The following MEGF11 variants were observed in gnomAD, a reference collection of about 807,000 sequenced individuals.
The protein encoded by MEGF11 is multiple epidermal growth factor-like domains protein 11.
MEGF11 carries 126 observed loss-of-function variants against 146.6 expected under a neutral mutation model. The ratio of observed to expected loss-of-function variants is 0.86; its 90% CI spans 0.74 to 1.00. The LOEUF is 1.00. Among genes scored for constraint, MEGF11 ranks in the 50% least tolerant of loss-of-function variants. The pLI is 0.00. For missense variants in MEGF11, 1,509 were observed against 1,521.2 expected (o/e 0.99, Z 0.13); for synonymous variants, 532 against 583.4 (o/e 0.91, Z 1.27).
At chr15:66,216,552 A>AC (rs1432005618) in intron 1 of MEGF11, among the ~76,000 whole-genome samples, 3 of 152,124 alleles carry the variant, frequency 2.0e-5, no homozygotes, top group Non-Finnish European at 2.9e-5. Context: ...CTGCTGAGCA[A>AC]CCCACCCCAA....
chr15:65,922,091 T>C (rs2079188794), intron 15 of MEGF11: 2 of 549,830 alleles, frequency 3.6e-6, no homozygotes, highest in Non-Finnish European at 6.5e-6. Context: ...TCAGAATTTG[T>C]TTCTGCCACT....
intron 7 of MEGF11, among the ~76,000 whole-genome samples, chr15:65,973,770 C>G (rs1392794550): frequency 6.6e-6 from 1 of 152,118 alleles, no homozygotes. Context: ...GATTCAATGA[C>G]TGTCTAAGAT....
rs771790172 is a variant in MEGF11, at chr15:65,929,729, C to T, written c.1563G>A (p.Leu521=). 1.9e-6 allele frequency: 3 copies of T among 1,551,296 alleles called. No individual in the cohort carries two copies. The highest frequency in any genetic ancestry group is 2.4e-5 in the South Asian group (2 of 84,036). The change falls in exon 12 of 26, where the codon CTG becomes CTA. Residue 521 remains leucine, a synonymous_variant. Transcript: ENST00000395614. ...TPGWLGDTCE[L]PCPDGTFGLN... ...CCACCCTGGCACTCACCGGGCAAGG[C>T]AGCTCACAGGTGTCTCCCAGCCAGC...
chr15:65,928,435 G>C lies in MEGF11; in HGVS notation c.1665C>G (p.Ala555=). ...GCAAGGGAAGGTTACCTGTCCATCC[G>C]GCCAGGCAGCAGCAGTGGCCTGTGA... The part of the protein sequence containing the change: ...DPVTGHCCCL[A]GWTGIRCDST... The change falls in exon 13 of 26, where the codon GCC becomes GCG. Residue 555 remains alanine (A), a synonymous_variant. Transcript: ENST00000395614. The C allele has an allele frequency of 6.3e-7, 1 of 1,593,890 alleles. No individual in the cohort carries two copies.
At chr15:65,936,090 G>A (rs1020993451) in intron 10 of MEGF11, among the ~76,000 whole-genome samples, 1 of 152,144 alleles carries the variant, frequency 6.6e-6, no homozygotes, top group African/African-American at 2.4e-5. Flanking sequence ...TACATGGGTT[G>A]GCATTGATGT....
chr15:65,906,024 G>C, intron 24 of MEGF11, 61 bp downstream of exon 24: 1 of 1,407,612 alleles, frequency 7.1e-7, no homozygotes, highest in East Asian at 2.3e-5. Flanking sequence ...GGCCATTTCA[G>C]ATCTGCACTC....
chr15:66,043,599 T>G (rs2084079208), intron 5 of MEGF11, among the ~76,000 whole-genome samples: 1 of 152,242 alleles, frequency 6.6e-6, no homozygotes, highest in African/African-American at 2.4e-5. Flanking sequence ...AGAAAGGTTT[T>G]CACACACTGC....
intron 1 of MEGF11, among the ~76,000 whole-genome samples, chr15:66,224,319 A>G (rs1467484465): frequency 6.6e-6 from 1 of 152,168 alleles, no homozygotes; most frequent in African/African-American, 2.4e-5. Context: ...TCATGTCTGT[A>G]ATCCCAGCAC....
At chr15:66,224,719 TATATC>T in intron 1 of MEGF11, among the ~76,000 whole-genome samples, 1 of 146,284 alleles carries the variant, frequency 6.8e-6, no homozygotes, top group East Asian at 2.0e-4. Context: ...ACATTTTATA[TATATC>T]ATATATGTAT....
chr15:66,082,871 T>C (rs369654246), intron 5 of MEGF11, among the ~76,000 whole-genome samples: 2 of 152,078 alleles, frequency 1.3e-5, no homozygotes, highest in South Asian at 2.1e-4. Context: ...GTTTTGGCAG[T>C]GGCCCTTCCT....
chr15:65,915,351 T>G, intron 19 of MEGF11, 119 bp downstream of exon 19: 1 of 1,347,858 alleles, frequency 7.4e-7, no homozygotes, highest in South Asian at 1.5e-5. Context: ...ATTCCTGCTG[T>G]CCTCACAAAT....
chr15:65,995,987 TG>T (rs1332255452), intron 5 of MEGF11, among the ~76,000 whole-genome samples: 3 of 152,144 alleles, frequency 2.0e-5, no homozygotes, highest in Non-Finnish European at 2.9e-5. Context: ...GTAAGGGACC[TG>T]CCTAAGGAGA....
rs74934626 is a variant in MEGF11, at chr15:65,977,242, T to C, written c.762+3536A>G. Among the ~76,000 whole-genome samples the C allele has an allele frequency of 7.8e-3, 1,176 of 151,044 alleles. 21 individuals are homozygous for C. Among genetic ancestry groups the C allele is most frequent in the African/African-American group, 0.027 (1,121 of 41,208 alleles). Reference sequence around the variant, plus strand: ...AAGATGGTGAAAGGACTTAAGGCCATGCCAGCTCTCCTGGAGGGGAGGCAA... The same window carrying C: ...AAGATGGTGAAAGGACTTAAGGCCACGCCAGCTCTCCTGGAGGGGAGGCAA... On this transcript the variant is annotated intron_variant, in intron 7 of 25. Coordinates refer to ENST00000395614, the MANE Select transcript of MEGF11 (RefSeq NM_001385028.1).
At chr15:66,186,613 C>T (rs915356220) in intron 1 of MEGF11, among the ~76,000 whole-genome samples, 16 of 152,220 alleles carry the variant, frequency 1.1e-4, no homozygotes, top group Non-Finnish European at 2.1e-4. Flanking sequence ...TCTCGAGCCC[C>T]GGGCTGTGTC....
chr15:66,209,455 A>G (rs7171352), intron 1 of MEGF11, among the ~76,000 whole-genome samples: 116,648 of 152,180 alleles, frequency 0.77, 45,133 homozygotes, highest in Middle Eastern at 0.84. Context: ...ACAAAAGCCT[A>G]TACAAGAATG....
Position 65,980,865 on chromosome 15 carries a change from T to C in MEGF11, c.675A>G (p.Gly225=), listed in dbSNP as rs1310878868. 13 of 1,593,742 alleles carry C rather than the reference T, an allele frequency of 8.2e-6. No individual in the cohort carries two copies. Among genetic ancestry groups the C allele is most frequent in the Non-Finnish European group, 8.5e-6 (10 of 1,170,932 alleles). The stretch of plus-strand genomic sequence containing the variant: ...AGGGGCAGCGCAGCTCACAGTGAGC[T>C]CCATGGCTCCCAGGAGGGCACAGCT... ...CEELCPPGSH[G]AHCELRCPCQ... is the part of the protein sequence containing the mutation. The change falls in exon 7 of 26, where the codon GGA becomes GGG. Residue 225 remains glycine, a synonymous_variant. Coordinates refer to ENST00000395614, the MANE Select transcript of MEGF11 (RefSeq NM_001385028.1).
chr15:66,094,232 C>T (rs1181468209), intron 5 of MEGF11, among the ~76,000 whole-genome samples, 170 bp downstream of exon 5: 1 of 152,174 alleles, frequency 6.6e-6, no homozygotes. Flanking sequence ...CCTCAAGTGC[C>T]ACCATGTTTT....
chr15:66,037,384 T>C (rs904921471), intron 5 of MEGF11, among the ~76,000 whole-genome samples: 2 of 152,270 alleles, frequency 1.3e-5, no homozygotes, highest in African/African-American at 2.4e-5. Context: ...ATCTGAGCTC[T>C]ACTGCTTTCT....
At chr15:65,983,707 T>C (rs1017503700) in intron 5 of MEGF11, among the ~76,000 whole-genome samples, 2 of 152,054 alleles carry the variant, frequency 1.3e-5, no homozygotes, top group African/African-American at 4.8e-5. Context: ...CTGGGCAAAC[T>C]GGAGTGGCCG....
Sources: gnomAD v4.1 joint callset for allele counts (sites outside exome capture counted in the v4.1 genomes callset) on GRCh38, gnomAD v4.1.1 for gene constraint, MANE v1.5 for transcripts, NCBI Gene and HGNC (gene_info 2026-07-23, HGNC 2026-07-21) for gene names.